Variants in LMBR1 observed in about 807,000 individuals in gnomAD.
The protein encoded by LMBR1 is limb region 1 protein homolog.
Under a neutral mutation model 73.9 loss-of-function variants are expected in LMBR1, and 52 were observed. That is an observed-to-expected ratio of 0.70 (90% CI 0.56 to 0.89). The LOEUF is 0.89. LMBR1 is among the 40% of genes least tolerant of loss of function. The pLI, the probability that LMBR1 is intolerant of heterozygous loss-of-function variation, is 0.00. For synonymous variants in LMBR1, 215 were observed against 209.4 expected (o/e 1.03, Z -0.23); for missense variants, 539 against 579.8 (o/e 0.93, Z 0.72).
chr7:156,752,188 C>G (rs982788996), intron 9 of LMBR1, among the ~76,000 whole-genome samples: 2 of 152,122 alleles, frequency 1.3e-5, no homozygotes, highest in African/African-American at 4.8e-5. Flanking sequence ...AGTCACAGAC[C>G]AACCTGACCA....
intron 15 of LMBR1, among the ~76,000 whole-genome samples, chr7:156,696,478 C>T (rs1391791995): frequency 1.3e-5 from 2 of 152,080 alleles, no homozygotes; most frequent in Admixed American, 6.6e-5. Context: ...AAGACATACC[C>T]GAGACTGGGA....
chr7:156,724,696 A>G (rs1815327282), intron 14 of LMBR1, among the ~76,000 whole-genome samples: 1 of 152,126 alleles, frequency 6.6e-6, no homozygotes, highest in Non-Finnish European at 1.5e-5. Flanking sequence ...GAAAATATCA[A>G]TTAATATTTA....
At chr7:156,671,906 G>A (rs917606701) in intron 4 of LMBR1, among the ~76,000 whole-genome samples, 2 of 152,102 alleles carry the variant, frequency 1.3e-5, no homozygotes, top group Admixed American at 6.5e-5. Flanking sequence ...CGTATTAATC[G>A]AAGACAAAAT....
At chr7:156,729,091 C>T (rs6459704) in intron 10 of LMBR1, among the ~76,000 whole-genome samples, 78,202 of 151,964 alleles carry the variant, frequency 0.51, 20,227 homozygotes, top group East Asian at 0.65. Context: ...CGATCCTCCC[C>T]GCTCAGCTTC....
intron 5 of LMBR1, among the ~76,000 whole-genome samples, chr7:156,794,098 G>A (rs745696898): frequency 5.9e-5 from 9 of 152,106 alleles, no homozygotes; most frequent in East Asian, 3.9e-4. Context: ...AATGGCAGTC[G>A]TCCGGGGCTC....
chr7:156,836,565 C>T (rs895915124), intron 2 of LMBR1, among the ~76,000 whole-genome samples: 1 of 152,124 alleles, frequency 6.6e-6, no homozygotes, highest in Non-Finnish European at 1.5e-5. Flanking sequence ...TACTAAATAG[C>T]CTAGCACTAT....
chr7:156,869,978 T>C (rs986523571), intron 1 of LMBR1, among the ~76,000 whole-genome samples: 1 of 152,034 alleles, frequency 6.6e-6, no homozygotes, highest in Non-Finnish European at 1.5e-5. Flanking sequence ...TAAAAGACAT[T>C]TGACAATGAT....
chr7:156,845,064 C>T (rs1467707166), intron 1 of LMBR1, among the ~76,000 whole-genome samples: 1 of 152,074 alleles, frequency 6.6e-6, no homozygotes, highest in Non-Finnish European at 1.5e-5. Context: ...GTGATGAGTA[C>T]AAAGTGGGTT....
At chr7:156,879,683 T>C (rs1044193385) in intron 1 of LMBR1, among the ~76,000 whole-genome samples, 1 of 112,844 alleles carries the variant, frequency 8.9e-6, no homozygotes, top group Non-Finnish European at 1.9e-5. Context: ...AAAAAAAAAG[T>C]GGGCTAAGGA....
At chr7:156,763,083 A>C in intron 7 of LMBR1, 25 bp downstream of exon 7, 1 of 1,157,490 alleles carries the variant, frequency 8.6e-7, no homozygotes, top group African/African-American at 1.6e-5. Flanking sequence ...CTTTTCTCTT[A>C]ATATCAAGTC....
downstream of LMBR1, among the ~76,000 whole-genome samples, chr7:156,673,833 T>C (rs563385188): frequency 9.9e-5 from 15 of 151,960 alleles, no homozygotes; most frequent in South Asian, 2.9e-3. Context: ...GAGAACTCCA[T>C]GTCCTCAAAG....
intron 9 of LMBR1, among the ~76,000 whole-genome samples, chr7:156,755,545 A>AT (rs1452237911): frequency 1.3e-5 from 2 of 152,242 alleles, no homozygotes; most frequent in African/African-American, 4.8e-5. Flanking sequence ...CAGTAGCATG[A>AT]TTATCCAAAT....
chr7:156,866,576 C>G (rs193028907), intron 1 of LMBR1, among the ~76,000 whole-genome samples: 2 of 149,108 alleles, frequency 1.3e-5, no homozygotes, highest in African/African-American at 4.9e-5. Context: ...GTAGGACATA[C>G]AGGAATTTCT....
chr7:156,784,094 T>C (rs1827661082), intron 5 of LMBR1, among the ~76,000 whole-genome samples: 1 of 151,926 alleles, frequency 6.6e-6, no homozygotes, highest in African/African-American at 2.4e-5. Context: ...GCAGCATGCA[T>C]TTCTGGCAAT....
chr7:156,813,089 T>C (rs1372688312), intron 4 of LMBR1, among the ~76,000 whole-genome samples: 1 of 152,340 alleles, frequency 6.6e-6, no homozygotes, highest in East Asian at 1.9e-4. Context: ...CTACCAACAC[T>C]TGAATATTGG....
At chr7:156,698,345 C>T (rs1808789646) in intron 15 of LMBR1, among the ~76,000 whole-genome samples, 1 of 152,214 alleles carries the variant, frequency 6.6e-6, no homozygotes, top group Admixed American at 6.5e-5. Context: ...TGGCCCTCTT[C>T]TCACAGCTCC....
intron 10 of LMBR1, 124 bp from the exon 11 acceptor site, chr7:156,728,844 T>G: frequency 1.4e-6 from 1 of 715,970 alleles, no homozygotes; most frequent in African/African-American, 1.8e-5. Flanking sequence ...TTAATTTTCC[T>G]CCATAAACTA....
At chr7:156,684,249 C>T (rs1805543802) in intron 16 of LMBR1, 86 bp from the exon 17 acceptor site, 1 of 1,028,100 alleles carries the variant, frequency 9.7e-7, no homozygotes, top group African/African-American at 1.6e-5. Flanking sequence ...AGGAGATTTA[C>T]AAAGCTAAGT....
intron 10 of LMBR1, among the ~76,000 whole-genome samples, chr7:156,733,069 G>A (rs557064417): frequency 7.2e-5 from 11 of 152,066 alleles, no homozygotes; most frequent in African/African-American, 2.2e-4. Flanking sequence ...CACATGAGCC[G>A]GGGAGGCGGA....
Sources: allele counts gnomAD v4.1 joint callset (sites outside exome capture counted in the v4.1 genomes callset), GRCh38; gene constraint gnomAD v4.1.1; transcripts MANE v1.5; gene names NCBI Gene and HGNC (gene_info 2026-07-23, HGNC 2026-07-21).